SGCD: variants seen among roughly 807,000 people sequenced by gnomAD.
SGCD encodes the protein delta-sarcoglycan.
In SGCD, 18 loss-of-function variants were observed where a neutral mutation model predicts 36.6. The ratio of observed to expected loss-of-function variants is 0.49; its 90% CI spans 0.34 to 0.73. SGCD has a LOEUF of 0.73. SGCD is among the 30% of genes least tolerant of loss of function. The pLI, the probability that SGCD is intolerant of heterozygous loss-of-function variation, is 0.01. For synonymous variants in SGCD, 133 were observed against 130.6 expected (o/e 1.02, Z -0.12); for missense variants, 387 against 346.7 (o/e 1.12, Z -0.92).
chr5:155,852,056 C>A, the SGCD span, among the ~76,000 whole-genome samples: 1 of 152,188 alleles, frequency 6.6e-6, no homozygotes, highest in Non-Finnish European at 1.5e-5. Context: ...AATGAAGGAA[C>A]CCCTGTCGTG....
At chr5:156,741,607 A>AAAAC (rs1756677875) in intron 7 of SGCD, among the ~76,000 whole-genome samples, 1 of 151,610 alleles carries the variant, frequency 6.6e-6, no homozygotes, top group Non-Finnish European at 1.5e-5. Context: ...CCCTGGGCCG[A>AAAAC]AAACTACACA....
At chr5:155,758,724 C>T in the SGCD span, among the ~76,000 whole-genome samples, 68 of 152,302 alleles carry the variant, frequency 4.5e-4, no homozygotes, top group Middle Eastern at 0.014. Context: ...AGAACAGTTT[C>T]ATTCCCAAAT....
chr5:156,442,677 T>C (rs993277180), intron 3 of SGCD, among the ~76,000 whole-genome samples: 6 of 152,218 alleles, frequency 3.9e-5, no homozygotes, highest in Non-Finnish European at 8.8e-5. Flanking sequence ...TCCTAGCTGT[T>C]CATCAAGATA....
chr5:156,409,147 A>C (rs1425063923), intron 3 of SGCD, among the ~76,000 whole-genome samples: 1 of 152,224 alleles, frequency 6.6e-6, no homozygotes, highest in Non-Finnish European at 1.5e-5. Flanking sequence ...CTTTGGCTAC[A>C]TTGCAAAAGA....
chr5:156,269,761 A>G (rs980927127), intron 3 of SGCD, among the ~76,000 whole-genome samples: 21 of 152,242 alleles, frequency 1.4e-4, no homozygotes, highest in African/African-American at 4.3e-4. Flanking sequence ...TAGATGCTGG[A>G]TGTTAGACCT....
chr5:156,014,243 T>G (rs1758918407), intron 1 of SGCD, among the ~76,000 whole-genome samples: 1 of 152,134 alleles, frequency 6.6e-6, no homozygotes, highest in Non-Finnish European at 1.5e-5. Flanking sequence ...CTCATTCAGT[T>G]TCCTTGGCAA....
intron 3 of SGCD, among the ~76,000 whole-genome samples, chr5:156,478,988 A>C (rs923968876): frequency 3.9e-5 from 6 of 152,202 alleles, no homozygotes; most frequent in Non-Finnish European, 7.3e-5. Flanking sequence ...GCCCACTCTC[A>C]TGTTTTATTT....
chr5:156,192,674 GCCCTAGGTA>G (rs1229319975), intron 3 of SGCD, among the ~76,000 whole-genome samples: 1 of 151,644 alleles, frequency 6.6e-6, no homozygotes, highest in Non-Finnish European at 1.5e-5. Context: ...GGTGATGGTT[GCCCTAGGTA>G]CCCTGACTTG....
chr5:156,234,297 A>G (rs1352069719), intron 3 of SGCD, among the ~76,000 whole-genome samples: 2 of 152,182 alleles, frequency 1.3e-5, no homozygotes, highest in African/African-American at 4.8e-5. Context: ...TATCAAATAT[A>G]TGTTTTGTAA....
At chr5:156,324,886 G>A (rs1767766823), upstream of SGCD, among the ~76,000 whole-genome samples, 1 of 152,128 alleles carries the variant, frequency 6.6e-6, no homozygotes, top group Admixed American at 6.5e-5. Flanking sequence ...ATTTGCAGCA[G>A]CTATTTTCTC....
At chr5:156,625,904 C>T (rs911073213) in intron 6 of SGCD, among the ~76,000 whole-genome samples, 3 of 152,062 alleles carry the variant, frequency 2.0e-5, no homozygotes, top group African/African-American at 7.2e-5. Flanking sequence ...GAGTTGGAAG[C>T]GGGGGTATGT....
At chr5:156,435,942 A>T (rs1298495733) in intron 3 of SGCD, among the ~76,000 whole-genome samples, 2 of 152,078 alleles carry the variant, frequency 1.3e-5, no homozygotes, top group African/African-American at 4.8e-5. Flanking sequence ...GTAAAATTCT[A>T]TTCATCTTTC....
At chr5:156,540,381 G>T (rs1209439123) in intron 4 of SGCD, among the ~76,000 whole-genome samples, 1 of 152,086 alleles carries the variant, frequency 6.6e-6, no homozygotes, top group African/African-American at 2.4e-5. Flanking sequence ...TCTGGGGCAA[G>T]GAATTGGCAT....
intron 1 of SGCD, among the ~76,000 whole-genome samples, chr5:156,068,752 G>C (rs1026513684): frequency 4.0e-5 from 6 of 151,696 alleles, no homozygotes; most frequent in African/African-American, 1.5e-4. Context: ...GTGTCAAAGT[G>C]TTCCTATTTC....
chr5:156,068,384 G>A (rs1044260486), intron 1 of SGCD, among the ~76,000 whole-genome samples: 14 of 150,150 alleles, frequency 9.3e-5, no homozygotes, highest in Admixed American at 1.3e-4. Flanking sequence ...TTGATTTTTT[G>A]TTCTTGCGAT....
intron 1 of SGCD, among the ~76,000 whole-genome samples, chr5:156,051,601 GA>G (rs1006199274): frequency 1.4e-5 from 2 of 146,222 alleles, no homozygotes; most frequent in Admixed American, 6.9e-5. Flanking sequence ...ACTAAGGTGA[GA>G]ACCCAATATA....
chr5:156,078,541 A>C (rs576830684), intron 1 of SGCD, among the ~76,000 whole-genome samples: 2,074 of 139,888 alleles, frequency 0.015, 39 homozygotes, highest in Non-Finnish European at 0.023. Flanking sequence ...ATATATATTT[A>C]TTTATATATA....
intron 4 of SGCD, among the ~76,000 whole-genome samples, chr5:156,533,103 G>A (rs1226809199): frequency 6.6e-6 from 1 of 152,138 alleles, no homozygotes; most frequent in African/African-American, 2.4e-5. Context: ...TAGCCATGCA[G>A]GACGCTTGCC....
chr5:155,829,109 T>C, the SGCD span, among the ~76,000 whole-genome samples: 1 of 152,198 alleles, frequency 6.6e-6, no homozygotes, highest in African/African-American at 2.4e-5. Context: ...TTTCTCACTC[T>C]TCTCTCTAAA....
Sources: allele counts gnomAD v4.1 joint callset (sites outside exome capture counted in the v4.1 genomes callset), GRCh38; gene constraint gnomAD v4.1.1; transcripts MANE v1.5; gene names NCBI Gene and HGNC (gene_info 2026-07-23, HGNC 2026-07-21).